The following LNX1 variants were observed in gnomAD, a reference collection of about 807,000 sequenced individuals.
The protein encoded by LNX1 is ligand of numb-protein X 1.
A neutral mutation model predicts 68.4 loss-of-function variants in LNX1; 54 were observed. The ratio of observed to expected loss-of-function variants is 0.79; its 90% CI spans 0.63 to 0.99. LNX1 has a LOEUF of 0.99. LNX1 is among the 50% of genes least tolerant of loss of function. The probability of loss-of-function intolerance (pLI) is 0.00; values close to 1 mark genes in which losing one functional copy is unlikely to be tolerated. For missense variants in LNX1, 906 were observed against 926.4 expected (o/e 0.98, Z 0.29); for synonymous variants, 336 against 350.0 (o/e 0.96, Z 0.45).
chr4:53,470,845 C>T (rs1723110803), intron 9 of LNX1, among the ~76,000 whole-genome samples: 1 of 151,922 alleles, frequency 6.6e-6, no homozygotes, highest in African/African-American at 2.4e-5. Context: ...AAATAGGATA[C>T]AAACAAATGG....
In LNX1 at chr4:53,507,312, T is replaced by C. The variant is rs1286988255; in HGVS notation, c.775+5A>G. 1.9e-6 allele frequency: 3 copies of C among 1,613,574 alleles called. No individual in the cohort carries two copies. Among genetic ancestry groups the C allele is most frequent in the Non-Finnish European group, 2.5e-6 (3 of 1,179,764 alleles). Reference sequence around the variant, plus strand: ...TCCATCCAGCCTTATGGGGAGTTCATTTACCTTCAGGGGCAGTGGTGTTTT... The same window carrying C: ...TCCATCCAGCCTTATGGGGAGTTCACTTACCTTCAGGGGCAGTGGTGTTTT... On this transcript the variant is annotated splice_donor_5th_base_variant and intron_variant, in intron 4 of 10. Transcript: ENST00000263925.
At chr4:53,556,697 T>A (rs961199205) in intron 2 of LNX1, among the ~76,000 whole-genome samples, 12 of 152,238 alleles carry the variant, frequency 7.9e-5, no homozygotes, top group Admixed American at 6.5e-5. Context: ...TCCAATAAGA[T>A]GGGACCAGAT....
chr4:53,628,797 A>T (rs911380708), intron 1 of LNX1, among the ~76,000 whole-genome samples: 4 of 151,962 alleles, frequency 2.6e-5, no homozygotes, highest in African/African-American at 9.7e-5. Context: ...ACTCAGCCAT[A>T]AAAAGAAATG....
chr4:53,621,005 T>C (rs1343556302), upstream of LNX1, among the ~76,000 whole-genome samples: 2 of 152,242 alleles, frequency 1.3e-5, no homozygotes, highest in Non-Finnish European at 2.9e-5. Context: ...TATGATAGCA[T>C]GGCTTTCAAA....
chr4:53,467,870 G>A (rs1722814217), intron 9 of LNX1, among the ~76,000 whole-genome samples: 1 of 152,236 alleles, frequency 6.6e-6, no homozygotes, highest in African/African-American at 2.4e-5. Context: ...TCTGATTGGT[G>A]TACCTGAAAG....
At chr4:53,647,867 T>C (rs1414620845) in intron 1 of LNX1, among the ~76,000 whole-genome samples, 1 of 152,262 alleles carries the variant, frequency 6.6e-6, no homozygotes, top group Non-Finnish European at 1.5e-5. Flanking sequence ...ATCGTATTTG[T>C]CCTTCTGAAA....
intron 1 of LNX1, among the ~76,000 whole-genome samples, chr4:53,625,104 G>A (rs1734024584): frequency 1.3e-5 from 2 of 152,160 alleles, no homozygotes; most frequent in South Asian, 4.1e-4. Context: ...CTAAATGTAA[G>A]AGCAAAAGCT....
chr4:53,488,870 TG>T (rs1487992120), intron 6 of LNX1, among the ~76,000 whole-genome samples: 1 of 152,142 alleles, frequency 6.6e-6, no homozygotes, highest in Non-Finnish European at 1.5e-5. Flanking sequence ...GATATGTCAG[TG>T]TATTTCACAA....
intron 2 of LNX1, among the ~76,000 whole-genome samples, chr4:53,529,871 T>C (rs1480801748): frequency 3.9e-5 from 6 of 152,072 alleles, no homozygotes; most frequent in Admixed American, 1.3e-4. Flanking sequence ...CAAACACAGT[T>C]CTCAAAAAGC....
At chr4:53,563,663 T>C (rs1730435552) in intron 2 of LNX1, among the ~76,000 whole-genome samples, 1 of 151,754 alleles carries the variant, frequency 6.6e-6, no homozygotes, top group South Asian at 2.1e-4. Flanking sequence ...GCCTCCCGAG[T>C]AGCTGGGATT....
At chr4:53,475,686 GTT>G (rs1723516014) in intron 9 of LNX1, among the ~76,000 whole-genome samples, 1 of 152,184 alleles carries the variant, frequency 6.6e-6, no homozygotes, top group East Asian at 1.9e-4. Flanking sequence ...AAGGCCAACA[GTT>G]TATGCTCTCA....
rs149789223 is a variant in LNX1, at chr4:53,491,792, C to CTTTTTTTTTTTTTTTTTTTTTTTTTTT, written c.1350+4230_1350+4231insAAAAAAAAAAAAAAAAAAAAAAAAAAA. On this transcript the variant is annotated intron_variant, in intron 6 of 10. Coordinates refer to ENST00000263925, the MANE Select transcript of LNX1 (RefSeq NM_001126328.3). ...TGCTTTAAGTGCTGAGGATACGATA[C>CTTTTTTTTTTTTTTTTTTTTTTTTTTT]TTTTTTTTGTTTGTTTGTTTTTTGA... 8.0e-5 allele frequency among the ~76,000 whole-genome samples: 5 copies of CTTTTTTTTTTTTTTTTTTTTTTTTTTT among 62,254 alleles called. 2 individuals carry two copies. The highest frequency in any genetic ancestry group is 1.1e-4 in the African/African-American group (3 of 27,420). 40.8% of individuals were successfully genotyped at this position (62,254 alleles called of 152,430 possible).
intron 1 of LNX1, 100 bp from the exon 2 acceptor site, chr4:53,574,188 G>A: frequency 1.1e-6 from 1 of 945,796 alleles, no homozygotes; most frequent in Non-Finnish European, 1.5e-6. Context: ...GGGGAATTGA[G>A]CTACGATTCA....
intron 2 of LNX1, among the ~76,000 whole-genome samples, chr4:53,564,548 T>C (rs2082769): frequency 0.018 from 2,752 of 152,314 alleles, 69 homozygotes; most frequent in African/African-American, 0.062. Flanking sequence ...TCCCCAGAGA[T>C]GTCCAGCTCC....
intron 2 of LNX1, among the ~76,000 whole-genome samples, chr4:53,540,462 G>A (rs1315526495): frequency 6.6e-6 from 1 of 151,912 alleles, no homozygotes; most frequent in Admixed American, 6.6e-5. Context: ...TTGTAAGAAA[G>A]CTTGTTAAAA....
upstream of LNX1, among the ~76,000 whole-genome samples, chr4:53,594,657 C>T (rs1464028): frequency 6.6e-6 from 1 of 151,822 alleles, no homozygotes; most frequent in Non-Finnish European, 1.5e-5. Context: ...GTTGGTTTTA[C>T]CCCCCAAGAT....
At chr4:53,639,352 G>A (rs1418374759) in intron 1 of LNX1, among the ~76,000 whole-genome samples, 1 of 152,036 alleles carries the variant, frequency 6.6e-6, no homozygotes, top group African/African-American at 2.4e-5. Context: ...AGTGAGTGGG[G>A]GTAAGGATTG....
At position 53,459,567 on chromosome 4, in the gene LNX1, A is replaced by G. The variant is rs757177659; in HGVS notation, c.*1340T>C. ...AATCTTGTTCTGTTTGTTAGTATGA[A>G]AAGTTAACTTTTTTTCCAAAATAAA... On this transcript the variant is annotated 3_prime_UTR_variant, in exon 11 of 11. Coordinates refer to ENST00000263925, the MANE Select transcript of LNX1 (RefSeq NM_001126328.3). 9.0e-6 allele frequency: 13 copies of G among 1,436,840 alleles called. No homozygotes were observed. The highest frequency in any genetic ancestry group is 1.1e-5 in the Non-Finnish European group (12 of 1,044,106). 89.0% of individuals were successfully genotyped at this position (1,436,840 alleles called of 1,614,324 possible).
At chr4:53,580,435 G>C (rs1731762240) in intron 1 of LNX1, among the ~76,000 whole-genome samples, 1 of 152,182 alleles carries the variant, frequency 6.6e-6, no homozygotes, top group South Asian at 2.1e-4. Flanking sequence ...CTCCATGCCA[G>C]AGTGAAGTGA....
Sources: allele counts gnomAD v4.1 joint callset (sites outside exome capture counted in the v4.1 genomes callset), GRCh38; gene constraint gnomAD v4.1.1; transcripts MANE v1.5; gene names NCBI Gene and HGNC (gene_info 2026-07-23, HGNC 2026-07-21).